ROBO2: variants seen among roughly 807,000 people sequenced by gnomAD.
The protein encoded by ROBO2 is roundabout homolog 2.
A neutral mutation model predicts 160.8 loss-of-function variants in ROBO2; 53 were observed. That is an observed-to-expected ratio of 0.33 (90% confidence interval 0.26 to 0.41). The LOEUF (loss-of-function observed/expected upper bound fraction) is 0.41. ROBO2 is among the 10% of genes least tolerant of loss of function. ROBO2 has a pLI of 1.00. For missense variants in ROBO2, 1,577 were observed against 1,722.4 expected, an observed-to-expected ratio of 0.92 and a Z score of 1.49; for synonymous variants, 664 against 611.7, an observed-to-expected ratio of 1.09 and a Z score of -1.26.
At chr3:76,985,826 G>A (rs1024560973) in intron 2 of ROBO2, among the ~76,000 whole-genome samples, 2 of 152,098 alleles carry the variant, frequency 1.3e-5, no homozygotes, top group South Asian at 2.1e-4. Context: ...TATGATGCCA[G>A]TATTTCCTGA....
chr3:75,923,018 A>G (rs1947134141), intron 1 of ROBO2, among the ~76,000 whole-genome samples: 1 of 152,222 alleles, frequency 6.6e-6, no homozygotes, highest in Non-Finnish European at 1.5e-5. Context: ...TTTCAGGTAT[A>G]AAGACACACA....
At chr3:77,464,421 A>T (rs2153574556) in intron 2 of ROBO2, among the ~76,000 whole-genome samples, 1 of 152,276 alleles carries the variant, frequency 6.6e-6, no homozygotes, top group Admixed American at 6.5e-5. Context: ...AAAAAAAGAA[A>T]AGAGCGTGTT....
At chr3:77,092,479 G>A (rs2070426352) in intron 1 of ROBO2, among the ~76,000 whole-genome samples, 1 of 149,956 alleles carries the variant, frequency 6.7e-6, no homozygotes, top group African/African-American at 2.4e-5. Flanking sequence ...ATAAACATTT[G>A]GATGTTCATC....
intron 1 of ROBO2, among the ~76,000 whole-genome samples, chr3:77,062,943 C>G (rs2066467152): frequency 6.6e-6 from 1 of 151,962 alleles, no homozygotes. Flanking sequence ...TAATGGCCTC[C>G]CAGTTACATT....
chr3:77,478,532 G>A (rs984356071), intron 3 of ROBO2, among the ~76,000 whole-genome samples: 4 of 152,128 alleles, frequency 2.6e-5, no homozygotes, highest in Non-Finnish European at 5.9e-5. Context: ...TTTCTTCAGA[G>A]GATCCACGCA....
chr3:77,150,292 A>G (rs76099377), intron 2 of ROBO2, among the ~76,000 whole-genome samples: 11,296 of 152,248 alleles, frequency 0.074, 969 homozygotes, highest in East Asian at 0.22. Flanking sequence ...GAATGCATGC[A>G]TATTAGTCAA....
chr3:77,213,829 A>G (rs1272862397), intron 2 of ROBO2, among the ~76,000 whole-genome samples: 17 of 151,922 alleles, frequency 1.1e-4, no homozygotes, highest in Non-Finnish European at 2.5e-4. Context: ...CCTTCATTTC[A>G]TTATGTACCC....
chr3:76,060,875 A>G (rs1046567263), intron 2 of ROBO2, among the ~76,000 whole-genome samples: 4 of 152,186 alleles, frequency 2.6e-5, no homozygotes, highest in Admixed American at 1.3e-4. Context: ...TCGCCATCTC[A>G]TGATCATCCC....
chr3:77,481,018 A>C, intron 3 of ROBO2, 81 bp from the exon 4 acceptor site: 2 of 1,279,792 alleles, frequency 1.6e-6, no homozygotes, highest in East Asian at 4.7e-5. Flanking sequence ...TCAAATACTC[A>C]AAACTATTTA....
intron 2 of ROBO2, among the ~76,000 whole-genome samples, chr3:76,687,070 C>G (rs925912138): frequency 6.6e-6 from 1 of 151,952 alleles, no homozygotes; most frequent in African/African-American, 2.4e-5. Context: ...TTATCATGCA[C>G]GTATTCATGT....
chr3:76,215,340 G>A (rs1227006145), intron 2 of ROBO2, among the ~76,000 whole-genome samples: 1 of 152,150 alleles, frequency 6.6e-6, no homozygotes, highest in Non-Finnish European at 1.5e-5. Flanking sequence ...AGAGAGGAAG[G>A]CTTCAGAAGA....
At chr3:76,700,822 CCAGT>C (rs1196047355) in intron 2 of ROBO2, among the ~76,000 whole-genome samples, 4 of 152,082 alleles carry the variant, frequency 2.6e-5, no homozygotes, top group East Asian at 3.8e-4. Context: ...TTGTCTCTAC[CCAGT>C]CAGTCTTACA....
chr3:76,384,174 T>G (rs148319821), intron 2 of ROBO2, among the ~76,000 whole-genome samples: 132 of 152,354 alleles, frequency 8.7e-4, no homozygotes, highest in African/African-American at 2.7e-3. Flanking sequence ...ACTGATACAT[T>G]TTTTCTAAGT....
At chr3:76,411,662 A>G (rs972953592) in intron 2 of ROBO2, among the ~76,000 whole-genome samples, 2 of 152,216 alleles carry the variant, frequency 1.3e-5, no homozygotes, top group South Asian at 4.1e-4. Flanking sequence ...TATCTCATAC[A>G]TTATTACAGT....
intron 2 of ROBO2, among the ~76,000 whole-genome samples, chr3:77,453,476 A>C (rs1038001604): frequency 6.7e-6 from 1 of 149,066 alleles, no homozygotes; most frequent in Middle Eastern, 3.5e-3. Flanking sequence ...TTATTGTTTT[A>C]TTTATGTTAT....
At chr3:76,441,139 C>A (rs566522519) in intron 2 of ROBO2, among the ~76,000 whole-genome samples, 2 of 152,196 alleles carry the variant, frequency 1.3e-5, no homozygotes, top group African/African-American at 4.8e-5. Flanking sequence ...CCTTGTCCTG[C>A]CAGAACTACA....
At chr3:76,366,629 T>G (rs1213991281) in intron 2 of ROBO2, among the ~76,000 whole-genome samples, 1 of 151,968 alleles carries the variant, frequency 6.6e-6, no homozygotes, top group African/African-American at 2.4e-5. Context: ...TAAAAATCTT[T>G]ATAGTATGTA....
At chr3:77,012,175 C>A (rs747178394) in intron 2 of ROBO2, among the ~76,000 whole-genome samples, 1 of 152,056 alleles carries the variant, frequency 6.6e-6, no homozygotes, top group African/African-American at 2.4e-5. Context: ...TTTGATACTT[C>A]GGGAATGTGT....
At chr3:76,990,663 A>G (rs2060615231) in intron 2 of ROBO2, among the ~76,000 whole-genome samples, 1 of 152,126 alleles carries the variant, frequency 6.6e-6, no homozygotes, top group Non-Finnish European at 1.5e-5. Context: ...CTAAAATAGT[A>G]ATTGGTTGCA....
Sources: allele counts gnomAD v4.1 joint callset (sites outside exome capture counted in the v4.1 genomes callset), GRCh38; gene constraint gnomAD v4.1.1; transcripts MANE v1.5; gene names NCBI Gene and HGNC (gene_info 2026-07-23, HGNC 2026-07-21).